Variants in LARGE1 observed in about 807,000 individuals in gnomAD.
LARGE1 encodes the protein xylosyl- and glucuronyltransferase LARGE1.
LARGE1 carries 43 observed loss-of-function variants against 87.6 expected under a neutral mutation model. The observed-to-expected ratio is 0.49, with a 90% CI of 0.38 to 0.63. LARGE1 has a LOEUF of 0.63. LARGE1 is among the 30% of genes least tolerant of loss of function. The pLI, the probability that LARGE1 is intolerant of heterozygous loss-of-function variation, is 0.00. For synonymous variants in LARGE1, 434 were observed against 394.6 expected, an observed-to-expected ratio of 1.10 and a Z score of -1.18; for missense variants, 802 against 1,000.2, an observed-to-expected ratio of 0.80 and a Z score of 2.67.
chr22:33,630,220 C>T (rs771579237), intron 3 of LARGE1, among the ~76,000 whole-genome samples: 3 of 151,610 alleles, frequency 2.0e-5, no homozygotes, highest in Non-Finnish European at 4.4e-5. Context: ...CCCAAAAAAC[C>T]GAAAACCAAA....
At chr22:33,547,903 T>G (rs2077408270) in intron 6 of LARGE1, among the ~76,000 whole-genome samples, 1 of 151,676 alleles carries the variant, frequency 6.6e-6, no homozygotes, top group South Asian at 2.1e-4. Context: ...CTGTATTGTC[T>G]TCATAATTTT....
chr22:33,277,150 A>T lies in LARGE1; in HGVS notation c.1983T>A (p.Val661=). 1 of 1,614,244 alleles carries T rather than the reference A, an allele frequency of 6.2e-7. No individual in the cohort carries two copies. The highest frequency in any genetic ancestry group is 2.2e-5 in the East Asian group (1 of 44,886). Residue 661 remains valine, a synonymous_variant, in exon 14 of 15, where the codon GTT becomes GTA. Coordinates refer to ENST00000397394, the MANE Select transcript of LARGE1 (RefSeq NM_133642.5). ...VEWEADFEPY[V]VVRRDCPEYD... is the part of the protein sequence containing the mutation. ...ACTCCGGGCAGTCACGTCTCACAAC[A>T]ACATACGGCTCAAAATCGGCCTCCC...
intron 9 of LARGE1, among the ~76,000 whole-genome samples, chr22:33,342,266 G>A (rs956329015): frequency 3.3e-5 from 5 of 152,210 alleles, no homozygotes; most frequent in Admixed American, 2.0e-4. Context: ...GGATCTGACT[G>A]AGGAAATGTT....
At position 33,708,845 on chromosome 22, in the gene LARGE1, C is replaced by T. The variant is rs144262598; in HGVS notation, c.106+52526G>A. ...CGAACTCCTGACCTCGTGATCCGCCCGCCTTGGCCTCCCAAAGTGCTGGGA... is the reference window on the plus strand; with the variant it reads ...CGAACTCCTGACCTCGTGATCCGCCTGCCTTGGCCTCCCAAAGTGCTGGGA... On this transcript the variant is annotated intron_variant, in intron 2 of 14. Transcript: ENST00000397394. Among the ~76,000 whole-genome samples, 373 of 152,234 alleles carry T rather than the reference C, an allele frequency of 2.5e-3. 1 individual carries two copies. The highest frequency in any genetic ancestry group is 8.7e-3 in the African/African-American group (363 of 41,562).
At chr22:33,763,596 G>A (rs1386371595) in intron 1 of LARGE1, among the ~76,000 whole-genome samples, 1 of 152,170 alleles carries the variant, frequency 6.6e-6, no homozygotes, top group African/African-American at 2.4e-5. Flanking sequence ...TGTGCAGTTA[G>A]AGAGATGTGG....
In LARGE1 at chr22:33,815,175, C is replaced by T. The variant is rs374439504; in HGVS notation, c.-82-53617G>A. On this transcript the variant is annotated intron_variant, in intron 1 of 14. Transcript: ENST00000397394. ...TGGTTCTTCTCACTTTTTGTTGGGG[C>T]GGCACAGTCTGGCAGCCTAGCACGT... is the stretch of plus-strand genomic sequence containing the variant. Among the ~76,000 whole-genome samples, 19 of 152,230 alleles carry T rather than the reference C, an allele frequency of 1.2e-4. No individual in the cohort carries two copies. In the East Asian group the frequency reaches 2.5e-3, roughly 20 times the overall value.
intron 1 of LARGE1, among the ~76,000 whole-genome samples, chr22:33,889,711 G>C (rs1213641664): frequency 6.6e-6 from 1 of 152,230 alleles, no homozygotes; most frequent in Non-Finnish European, 1.5e-5. Flanking sequence ...CCTACAAGGG[G>C]ATGGGGTCAT....
At chr22:33,752,289 G>A (rs1474500446) in intron 2 of LARGE1, among the ~76,000 whole-genome samples, 2 of 152,086 alleles carry the variant, frequency 1.3e-5, no homozygotes, top group Non-Finnish European at 2.9e-5. Flanking sequence ...TTCCAAAGTA[G>A]TTATATAAAT....
chr22:33,788,596 T>G (rs182371476), intron 1 of LARGE1, among the ~76,000 whole-genome samples: 211 of 152,322 alleles, frequency 1.4e-3, no homozygotes, highest in Non-Finnish European at 1.9e-3. Context: ...GACAGTGATA[T>G]GGACAATGAA....
intron 1 of LARGE1, among the ~76,000 whole-genome samples, chr22:33,765,707 C>CAAAAAAA (rs33943950): frequency 2.0e-4 from 14 of 69,804 alleles, no homozygotes; most frequent in Admixed American, 6.0e-4. Context: ...CTCCATCTCA[C>CAAAAAAA]AAAAAAAAAA....
At chr22:33,130,854 A>T in the LARGE1 span, among the ~76,000 whole-genome samples, 5 of 151,928 alleles carry the variant, frequency 3.3e-5, no homozygotes, top group East Asian at 9.8e-4. Flanking sequence ...GACCACGGTG[A>T]AACCCCGTCT....
chr22:33,311,106 G>A (rs372177775), intron 11 of LARGE1, among the ~76,000 whole-genome samples: 2 of 152,020 alleles, frequency 1.3e-5, no homozygotes, highest in Non-Finnish European at 1.5e-5. Flanking sequence ...GACTACAGGC[G>A]CCCGCCACCA....
chr22:33,837,945 T>C (rs1225051832), intron 1 of LARGE1, among the ~76,000 whole-genome samples: 1 of 152,236 alleles, frequency 6.6e-6, no homozygotes, highest in Non-Finnish European at 1.5e-5. Context: ...GGTGAGATAG[T>C]AAATCACGTA....
At chr22:33,911,582 A>C (rs2065639443) in intron 1 of LARGE1, among the ~76,000 whole-genome samples, 1 of 152,176 alleles carries the variant, frequency 6.6e-6, no homozygotes, top group Non-Finnish European at 1.5e-5. Context: ...GCTGGACAAC[A>C]ACCATCCTAA....
At position 33,550,319 on chromosome 22, in the gene LARGE1, A is replaced by T. The variant is rs1322148976; in HGVS notation, c.787+14529T>A. On this transcript the variant is annotated intron_variant, in intron 6 of 14. Transcript: ENST00000397394. ...AGGACCCTACACATTTCCATCAGTA[A>T]CAGTGGGTCATTAAGGAAGTGGTTC... Among the ~76,000 whole-genome samples, 3 of 152,194 alleles carry T rather than the reference A, an allele frequency of 2.0e-5. No homozygotes were observed. In the East Asian group the frequency reaches 5.8e-4, roughly 29 times the overall value.
chr22:33,718,762 G>A (rs1462657748), intron 2 of LARGE1, among the ~76,000 whole-genome samples: 2 of 152,128 alleles, frequency 1.3e-5, no homozygotes, highest in Non-Finnish European at 2.9e-5. Flanking sequence ...AGTAAAGTGT[G>A]TACTTGTATC....
In LARGE1 at chr22:33,316,421, A is replaced by G. The variant is rs1936169322; in HGVS notation, c.1288-173T>C. Among the ~76,000 whole-genome samples the G allele has an allele frequency of 2.0e-5, 3 of 152,118 alleles. No homozygotes were observed. The South Asian group carries it at 6.2e-4, about 32-fold the overall frequency. ...TTTATTTCCCTCTGCAACTTAATCT[A>G]ATTTCAAAAAGGTGATGGTAAAAAT... On this transcript the variant is annotated intron_variant, in intron 10 of 14. Transcript: ENST00000397394.
At chr22:33,553,087 T>G (rs1355377463) in intron 6 of LARGE1, among the ~76,000 whole-genome samples, 1 of 152,160 alleles carries the variant, frequency 6.6e-6, no homozygotes, top group East Asian at 1.9e-4. Context: ...TTTCCCCATC[T>G]TGACAGAGAT....
At chr22:33,802,994 G>C (rs545801200) in intron 1 of LARGE1, among the ~76,000 whole-genome samples, 3 of 152,106 alleles carry the variant, frequency 2.0e-5, no homozygotes, top group African/African-American at 7.2e-5. Flanking sequence ...ACAATTGGAT[G>C]GACAGGAAGA....
Sources: allele counts gnomAD v4.1 joint callset (sites outside exome capture counted in the v4.1 genomes callset), GRCh38; gene constraint gnomAD v4.1.1; transcripts MANE v1.5; gene names NCBI Gene and HGNC (gene_info 2026-07-23, HGNC 2026-07-21).